The following CACNA1D variants were observed in gnomAD, a reference collection of about 807,000 sequenced individuals.
CACNA1D encodes the protein calcium voltage-gated channel subunit alpha1 D.
Under a neutral mutation model 257.1 loss-of-function variants are expected in CACNA1D, and 55 were observed. That is an observed-to-expected ratio of 0.21 (90% confidence interval 0.17 to 0.27). The LOEUF is 0.27. Among genes scored for constraint, CACNA1D ranks in the 10% least tolerant of loss-of-function variants. CACNA1D has a pLI of 1.00. For synonymous variants in CACNA1D, 980 were observed against 1,014.9 expected, an observed-to-expected ratio of 0.97 and a Z score of 0.65; for missense variants, 1,876 against 2,784.0, an observed-to-expected ratio of 0.67 and a Z score of 7.34.
chr3:53,765,566 T>C (rs560994339), intron 30 of CACNA1D: 10 of 152,718 alleles, frequency 6.5e-5, no homozygotes, highest in African/African-American at 2.4e-4. Flanking sequence ...TTCACTGCGC[T>C]CCACAGGACG....
intron 39 of CACNA1D, chr3:53,782,394 G>C (rs1201192104): frequency 6.6e-6 from 1 of 151,542 alleles, no homozygotes; most frequent in Non-Finnish European, 1.5e-5. Flanking sequence ...TGCAGGATCT[G>C]TTCACCCAGT....
At chr3:53,698,907 C>T (rs2094596565) in intron 8 of CACNA1D, among the ~76,000 whole-genome samples, 1 of 150,900 alleles carries the variant, frequency 6.6e-6, no homozygotes, top group African/African-American at 2.4e-5. Flanking sequence ...TAGCATATAA[C>T]AGTTGTTGGA....
chr3:53,745,766 G>A, intron 24 of CACNA1D, 35 bp downstream of exon 24: 1 of 1,602,678 alleles, frequency 6.2e-7, no homozygotes, highest in South Asian at 1.1e-5. Context: ...AAACTCAGGT[G>A]GATTTCTTTA....
chr3:53,699,436 T>C (rs1462965331), intron 8 of CACNA1D, among the ~76,000 whole-genome samples: 1 of 152,228 alleles, frequency 6.6e-6, no homozygotes, highest in Non-Finnish European at 1.5e-5. Flanking sequence ...CTTGCTTAAT[T>C]CCTGTGAAAC....
intron 29 of CACNA1D, among the ~76,000 whole-genome samples, chr3:53,756,616 C>T (rs900431294): frequency 2.0e-5 from 3 of 152,222 alleles, no homozygotes; most frequent in Admixed American, 1.3e-4. Flanking sequence ...TCAACTAGAC[C>T]TCTGTAGGGT....
chr3:53,672,563 C>T (rs949459352), intron 7 of CACNA1D, among the ~76,000 whole-genome samples: 6 of 152,118 alleles, frequency 3.9e-5, no homozygotes, highest in South Asian at 2.1e-4. Context: ...CCATCACAAA[C>T]TTTAAACACA....
At chr3:53,768,330 G>A (rs1325649327) in intron 30 of CACNA1D, among the ~76,000 whole-genome samples, 1 of 152,108 alleles carries the variant, frequency 6.6e-6, no homozygotes, top group African/African-American at 2.4e-5. Context: ...CTGGTCCCCT[G>A]AACACAGGCA....
At chr3:53,795,582 T>G (rs748729045) in intron 40 of CACNA1D, among the ~76,000 whole-genome samples, 39 of 152,238 alleles carry the variant, frequency 2.6e-4, no homozygotes, top group Admixed American at 1.3e-4. Context: ...GTGGAATATT[T>G]GTATGTAAGC....
rs896857606 is a variant in CACNA1D at position 53,793,400 on chromosome 3, T to C, written c.4923+6448T>C. Among the ~76,000 whole-genome samples, 11 of 152,228 alleles carry C rather than the reference T, an allele frequency of 7.2e-5. No homozygotes were observed. Among genetic ancestry groups the C allele is most frequent in the Non-Finnish European group, 2.9e-5 (2 of 68,034 alleles). On this transcript the variant is annotated intron_variant, in intron 40 of 47. Transcript: ENST00000350061. The surrounding 1 kb of genome is among the most constrained non-coding windows in gnomAD (Gnocchi z 4.1). Reference sequence around the variant, plus strand: ...CCCACCCGACGTTGAGTTGATTCAGTGCTGAAGGATGGCACGTGCCTACCC... The same window carrying C: ...CCCACCCGACGTTGAGTTGATTCAGCGCTGAAGGATGGCACGTGCCTACCC...
intron 3 of CACNA1D, among the ~76,000 whole-genome samples, chr3:53,511,759 A>G (rs2091122197): frequency 6.6e-6 from 1 of 152,192 alleles, no homozygotes; most frequent in Non-Finnish European, 1.5e-5. Context: ...TTTTTAAAGC[A>G]TTTATTACGG....
chr3:53,614,438 G>A (rs1346856700), intron 3 of CACNA1D, among the ~76,000 whole-genome samples: 2 of 152,192 alleles, frequency 1.3e-5, no homozygotes, highest in Non-Finnish European at 2.9e-5. Context: ...AGGTGTAGGA[G>A]GTGGGGATGC....
intron 3 of CACNA1D, among the ~76,000 whole-genome samples, chr3:53,640,204 G>T (rs576904771): frequency 6.6e-6 from 1 of 152,194 alleles, no homozygotes; most frequent in Admixed American, 6.5e-5. Flanking sequence ...CATATTGGAG[G>T]GTTGACCTGA....
intron 39 of CACNA1D, 78 bp from the exon 40 acceptor site, chr3:53,786,744 C>T: frequency 9.1e-7 from 1 of 1,103,864 alleles, no homozygotes. Context: ...CCTGCCCCTG[C>T]CCCAGCCAGA....
chr3:53,623,381 A>G (rs969187420), intron 3 of CACNA1D, among the ~76,000 whole-genome samples: 2 of 152,246 alleles, frequency 1.3e-5, no homozygotes, highest in African/African-American at 4.8e-5. Context: ...TTTGAAATGT[A>G]TCTAAAAATA....
Position 53,723,587 on chromosome 3 carries a change from T to C in CACNA1D, c.1820T>C (p.Leu607Pro). Reference protein sequence around the residue: ...GGITETILVELEIMSPLGISV... With the variant: ...GGITETILVEPEIMSPLGISV... ...ATCACTGAGACGATCTTGGTGGAAC[T>C]GGAAATCATGTCTCCCCTGGGGATC... The change falls in exon 13 of 48, where the codon CTG becomes CCG. Residue 607 changes from leucine (L) to proline (P), a missense_variant. Transcript: ENST00000350061. This position sits in a 1 kb window ranked among gnomAD's most constrained non-coding sequence, Gnocchi z 5.6. The C allele has an allele frequency of 6.2e-7, 1 of 1,614,184 alleles. No homozygotes were observed. Among genetic ancestry groups the C allele is most frequent in the Non-Finnish European group, 8.5e-7 (1 of 1,180,020 alleles).
chr3:53,570,361 A>G (rs1402950079), intron 3 of CACNA1D, among the ~76,000 whole-genome samples: 1 of 152,236 alleles, frequency 6.6e-6, no homozygotes, highest in Non-Finnish European at 1.5e-5. Flanking sequence ...CCAAAGTTAT[A>G]CAGTAAACAC....
chr3:53,615,819 AC>A (rs1396411103), intron 3 of CACNA1D, among the ~76,000 whole-genome samples: 3 of 152,198 alleles, frequency 2.0e-5, no homozygotes, highest in Non-Finnish European at 4.4e-5. Flanking sequence ...AAGCCTTTCT[AC>A]TTTTCAGTTA....
chr3:53,743,569 G>A (rs2095137711), intron 22 of CACNA1D, among the ~76,000 whole-genome samples: 1 of 152,216 alleles, frequency 6.6e-6, no homozygotes, highest in African/African-American at 2.4e-5. Flanking sequence ...GAACCTGCTA[G>A]GACTTTTTCT....
chr3:53,666,109 G>A (rs2094259649), intron 6 of CACNA1D, among the ~76,000 whole-genome samples: 1 of 152,204 alleles, frequency 6.6e-6, no homozygotes, highest in South Asian at 2.1e-4. Context: ...GGAGGATGCT[G>A]TAAGCGCAGG....
Sources: gnomAD v4.1 joint callset for allele counts (sites outside exome capture counted in the v4.1 genomes callset) on GRCh38, gnomAD v4.1.1 for gene constraint, Gnocchi (gnomAD v3.1) non-coding constraint, MANE v1.5 for transcripts, NCBI Gene and HGNC (gene_info 2026-07-23, HGNC 2026-07-21) for gene names.